The following KIAA1614 variants were observed in gnomAD, a reference collection of about 807,000 sequenced individuals.
The protein encoded by KIAA1614 is uncharacterized protein KIAA1614.
Under a neutral mutation model 88.7 loss-of-function variants are expected in KIAA1614, and 76 were observed. The observed-to-expected ratio is 0.86, with a 90% CI of 0.71 to 1.04. KIAA1614 has a LOEUF of 1.04. Ranked by LOEUF, KIAA1614 falls within the 50% of genes least tolerant of loss-of-function variation. The probability of loss-of-function intolerance (pLI) is 0.00; values close to 1 mark genes in which losing one functional copy is unlikely to be tolerated. For missense variants in KIAA1614, 1,553 were observed against 1,582.5 expected (o/e 0.98, Z 0.32); for synonymous variants, 714 against 675.5 (o/e 1.06, Z -0.88).
In KIAA1614 at chr1:180,935,399, A is replaced by G; in HGVS notation, c.1490A>G (p.Tyr497Cys). The G allele has an allele frequency of 2.0e-6, 3 of 1,472,028 alleles. No individual in the cohort carries two copies. Among genetic ancestry groups the G allele is most frequent in the Non-Finnish European group, 2.7e-6 (3 of 1,118,260 alleles). The allele number at this position is 1,472,028 out of a possible 1,614,324, so 91.2% of individuals were successfully genotyped here. The change falls in exon 5 of 9, where the codon TAC becomes TGC. Residue 497 changes from tyrosine (Y) to cysteine (C), a missense_variant. Tyr to Cys is a radical substitution (Grantham distance 194). Coordinates refer to ENST00000367588, the MANE Select transcript of KIAA1614 (RefSeq NM_020950.2). The surrounding 1 kb of genome is among the most constrained non-coding windows in gnomAD (Gnocchi z 6.1). ...CGCTCCAAGCCCGACCTCGCCGACT[A>G]CATCAACGGGGCTCCCCGGCTCCGG... ...PLRSKPDLAD[Y>C]INGAPRLRDA...
chr1:180,934,723 A>C (rs1450841201), intron 4 of KIAA1614, among the ~76,000 whole-genome samples: 1 of 152,184 alleles, frequency 6.6e-6, no homozygotes, highest in African/African-American at 2.4e-5. Flanking sequence ...CCAAAAATAC[A>C]TGGTGGTCAG....
At chr1:180,917,438 C>T (rs536515735) in intron 2 of KIAA1614, among the ~76,000 whole-genome samples, 1 of 144,464 alleles carries the variant, frequency 6.9e-6, no homozygotes, top group South Asian at 2.5e-4. Context: ...AGTGACATGC[C>T]CTCACCCCTT....
chr1:180,935,420 T>C lies in KIAA1614; in HGVS notation c.1511T>C (p.Leu504Pro). 1.4e-6 allele frequency: 2 copies of C among 1,473,486 alleles called. No individual in the cohort carries two copies. Among genetic ancestry groups the C allele is most frequent in the South Asian group, 2.8e-5 (2 of 71,424 alleles). 91.3% of individuals were successfully genotyped at this position (1,473,486 alleles called of 1,614,324 possible). A position where few individuals can be genotyped will look rare whatever the true frequency, so the allele number is the denominator to read the frequency against. Residue 504 changes from leucine to proline, a missense_variant, in exon 5 of 9, where the codon CTC becomes CCC. Physicochemically the swap from Leu to Pro is moderately conservative, Grantham distance 98. Coordinates refer to ENST00000367588, the MANE Select transcript of KIAA1614 (RefSeq NM_020950.2). This position sits in a 1 kb window ranked among gnomAD's most constrained non-coding sequence, Gnocchi z 6.1. Reference sequence around the variant, plus strand: ...GACTACATCAACGGGGCTCCCCGGCTCCGGGACGCGGGGCAGGGGACATTC... The same window carrying C: ...GACTACATCAACGGGGCTCCCCGGCCCCGGGACGCGGGGCAGGGGACATTC... ...LADYINGAPR[L>P]RDAGQGTFHR...
rs982593790 is a variant in KIAA1614 at position 180,937,388 on chromosome 1, G to A, written c.2761+718G>A. Among the ~76,000 whole-genome samples, 18 of 152,342 alleles carry A rather than the reference G, an allele frequency of 1.2e-4. 1 individual carries two copies. The East Asian group carries it at 2.9e-3, about 25-fold the overall frequency. On this transcript the variant is annotated intron_variant, in intron 5 of 8. Transcript: ENST00000367588. The stretch of plus-strand genomic sequence containing the variant: ...CCCTGGGCCTGTTGGTGGACCAGTA[G>A]GTTTCAGCAGGCAAGGCTGCTGAAG...
In KIAA1614 at chr1:180,916,188, G is replaced by C; in HGVS notation, c.85G>C (p.Val29Leu). Residue 29 changes from valine (V) to leucine (L), a missense_variant, in exon 2 of 9, where the codon GTG becomes CTG. Val to Leu is a conservative substitution (Grantham distance 32). Coordinates refer to ENST00000367588, the MANE Select transcript of KIAA1614 (RefSeq NM_020950.2). ...GACAGGGAGTGGAACAGCCAGCCCCGTGGAGGGGACCTCAGCTGTGGAGTG... is the reference window on the plus strand; with the variant it reads ...GACAGGGAGTGGAACAGCCAGCCCCCTGGAGGGGACCTCAGCTGTGGAGTG... ...PKTGSGTASP[V>L]EGTSAVEWSG... 1.9e-6 allele frequency: 3 copies of C among 1,591,114 alleles called. No individual in the cohort carries two copies. Among genetic ancestry groups the C allele is most frequent in the Non-Finnish European group, 1.7e-6 (2 of 1,169,054 alleles).
At chr1:180,939,226 C>T (rs1306834195) in intron 6 of KIAA1614, among the ~76,000 whole-genome samples, 1 of 152,162 alleles carries the variant, frequency 6.6e-6, no homozygotes, top group African/African-American at 2.4e-5. Flanking sequence ...CCTTCTCTTC[C>T]CTGTGACACA....
In KIAA1614 at chr1:180,935,148, G is replaced by C; in HGVS notation, c.1239G>C (p.Arg413Ser). The change falls in exon 5 of 9, where the codon AGG (arginine) becomes AGC (serine). Residue 413 changes from arginine (R) to serine (S), a missense_variant. By Grantham distance (110) the Arg-to-Ser change is moderately radical. Transcript: ENST00000367588. This position sits in a 1 kb window ranked among gnomAD's most constrained non-coding sequence, Gnocchi z 6.1. ...DGHRSPARDP[R>S]TTPACRDSLQ... ...ACAGAAGCCCAGCCCGGGACCCCAGGACGACCCCTGCCTGCAGAGACAGCC... is the reference window on the plus strand; with the variant it reads ...ACAGAAGCCCAGCCCGGGACCCCAGCACGACCCCTGCCTGCAGAGACAGCC... 1 of 1,450,820 alleles carries C rather than the reference G, an allele frequency of 6.9e-7. No individual in the cohort carries two copies. The highest frequency in any genetic ancestry group is 9.1e-7 in the Non-Finnish European group (1 of 1,101,702). The allele number at this position is 1,450,820 out of a possible 1,614,324, so 89.9% of individuals were successfully genotyped here. A position where few individuals can be genotyped will look rare whatever the true frequency, so the allele number is the denominator to read the frequency against.
chr1:180,920,999 T>C (rs73047802), intron 3 of KIAA1614, among the ~76,000 whole-genome samples: 12,337 of 152,280 alleles, frequency 0.081, 1,659 homozygotes, highest in African/African-American at 0.28. Flanking sequence ...TTTCCCATTT[T>C]ATCCTAATAA....
At chr1:180,943,550 C>T (rs12057265) in intron 7 of KIAA1614, among the ~76,000 whole-genome samples, 53,030 of 98,362 alleles carry the variant, frequency 0.54, 14,611 homozygotes, top group Middle Eastern at 0.73. Context: ...GGTAGTAGAT[C>T]TTTTTTTTTT....
At position 180,931,511 on chromosome 1, in the gene KIAA1614, C is replaced by T. The variant is rs114436376; in HGVS notation, c.1205+2938C>T. ...CTTGGCAGGTGTGGGATTTGCTCAA[C>T]GCTTAGCTGCCTCATTCGTCCTGCA... On this transcript the variant is annotated intron_variant, in intron 4 of 8. Coordinates refer to ENST00000367588, the MANE Select transcript of KIAA1614 (RefSeq NM_020950.2). Among the ~76,000 whole-genome samples, 274 of 152,358 alleles carry T rather than the reference C, an allele frequency of 1.8e-3. 1 individual carries two copies. Among genetic ancestry groups the T allele is most frequent in the African/African-American group, 6.1e-3 (254 of 41,574 alleles).
rs748868362 is a variant in KIAA1614 at position 180,935,102 on chromosome 1, G to A, written c.1206-13G>A. 1 of 1,404,818 alleles carries A rather than the reference G, an allele frequency of 7.1e-7. No individual in the cohort carries two copies. Among genetic ancestry groups the A allele is most frequent in the South Asian group, 1.8e-5 (1 of 55,884 alleles). The allele number at this position is 1,404,818 out of a possible 1,614,324, so 87.0% of individuals were successfully genotyped here. The stretch of plus-strand genomic sequence containing the variant: ...TTCTGCCCTTGACCTCTCTCCTCCT[G>A]TCTCTTCATCAGAGATGGCCACAGA... On this transcript the variant is annotated splice_polypyrimidine_tract_variant and intron_variant, in intron 4 of 8. Transcript: ENST00000367588. The surrounding 1 kb of genome is among the most constrained non-coding windows in gnomAD (Gnocchi z 6.1).
chr1:180,944,659 C>T (rs748546398), intron 8 of KIAA1614, 143 bp downstream of exon 8: 12 of 914,044 alleles, frequency 1.3e-5, no homozygotes, highest in South Asian at 3.6e-5. Context: ...TGTGTGGAGA[C>T]GAGGCTGCCA....
Position 180,916,970 on chromosome 1 carries a change from T to C in KIAA1614, c.867T>C (p.Ser289=), listed in dbSNP as rs1653824178. ...TGGAGGCTCTGGGCGCTGGGAGCAG[T>C]GTCTTGTCCCTGTCTGATCGGGTGG... ...GDLEALGAGS[S]VLSLSDRVER... The change falls in exon 2 of 9, where the codon AGT becomes AGC. Residue 289 remains serine (S), a synonymous_variant. Coordinates refer to ENST00000367588, the MANE Select transcript of KIAA1614 (RefSeq NM_020950.2). The C allele has an allele frequency of 6.2e-7, 1 of 1,614,158 alleles. No individual in the cohort carries two copies. The highest frequency in any genetic ancestry group is 8.5e-7 in the Non-Finnish European group (1 of 1,180,030).
chr1:180,941,241 C>T lies in KIAA1614; in HGVS notation c.3115C>T (p.Leu1039=), dbSNP rs975421890. The change falls in exon 7 of 9, where the codon CTG becomes TTG. Residue 1039 remains leucine (L), a synonymous_variant. Coordinates refer to ENST00000367588, the MANE Select transcript of KIAA1614 (RefSeq NM_020950.2). The part of the protein sequence containing the change: ...VEQLQPAPPG[L]TSQSRAPSLQ... ...GCAGTTGCAGCCCGCCCCGCCTGGC[C>T]TGACGTCACAGTCCAGGGCCCCATC... The T allele has an allele frequency of 4.3e-6, 7 of 1,613,652 alleles. No individual in the cohort carries two copies. The highest frequency in any genetic ancestry group is 2.7e-5 in the African/African-American group (2 of 74,924).
chr1:180,923,737 TG>T (rs1265984734), intron 3 of KIAA1614, among the ~76,000 whole-genome samples: 1 of 152,000 alleles, frequency 6.6e-6, no homozygotes, highest in Non-Finnish European at 1.5e-5. Context: ...CAAGGAGGCA[TG>T]GGGAGTCCCG....
In KIAA1614 at chr1:180,944,779, C is replaced by T. The variant is rs1020375422; in HGVS notation, c.3287+263C>T. On this transcript the variant is annotated intron_variant, in intron 8 of 8. Transcript: ENST00000367588. ...GTTGGCCGGTTTGATTCCACTGTCCCTCTGCTGTGCAATGACATCTTGAAA... is the reference window on the plus strand; with the variant it reads ...GTTGGCCGGTTTGATTCCACTGTCCTTCTGCTGTGCAATGACATCTTGAAA... 11 of 328,402 alleles carry T rather than the reference C, an allele frequency of 3.3e-5. No homozygotes were observed. In the South Asian group the frequency reaches 5.6e-4, roughly 17 times the overall value. The allele number at this position is 328,402 out of a possible 1,614,324, so 20.3% of individuals were successfully genotyped here. A position where few individuals can be genotyped will look rare whatever the true frequency, so the allele number is the denominator to read the frequency against.
At position 180,950,826 on chromosome 1, in the gene KIAA1614, G is replaced by C. The variant is rs1040860067; in HGVS notation, c.*5238G>C. 6.6e-6 allele frequency: 1 copy of C among 152,558 alleles called. No homozygotes were observed. The highest frequency in any genetic ancestry group is 2.4e-5 in the African/African-American group (1 of 41,450). The allele number at this position is 152,558 out of a possible 1,614,324, so 9.5% of individuals were successfully genotyped here. A position where few individuals can be genotyped will look rare whatever the true frequency, so the allele number is the denominator to read the frequency against. On this transcript the variant is annotated 3_prime_UTR_variant, in exon 9 of 9. Coordinates refer to ENST00000367588, the MANE Select transcript of KIAA1614 (RefSeq NM_020950.2). ...CTACTTGTACCTTTGTTGGCAGGGG[G>C]AGAAGGGAGATTCAGTGGATCCTTT...
chr1:180,931,494 G>A (rs928661613), intron 4 of KIAA1614, among the ~76,000 whole-genome samples: 10 of 152,260 alleles, frequency 6.6e-5, no homozygotes, highest in Admixed American at 2.0e-4. Flanking sequence ...AACTTGGCAG[G>A]TGTGGGATTT....
At chr1:180,938,801 A>T in intron 6 of KIAA1614, 90 bp downstream of exon 6, 1 of 1,236,720 alleles carries the variant, frequency 8.1e-7, no homozygotes, top group Non-Finnish European at 1.1e-6. Flanking sequence ...TGGTGGCATG[A>T]CCCACCTCCC....
Sources: gnomAD v4.1 joint callset for allele counts (sites outside exome capture counted in the v4.1 genomes callset) on GRCh38, gnomAD v4.1.1 for gene constraint, Gnocchi (gnomAD v3.1) non-coding constraint, MANE v1.5 for transcripts, NCBI Gene and HGNC (gene_info 2026-07-23, HGNC 2026-07-21) for gene names.